GRID2: variants seen among roughly 807,000 people sequenced by gnomAD.
The protein encoded by GRID2 is glutamate receptor ionotropic, delta-2.
Under a neutral mutation model 114.8 loss-of-function variants are expected in GRID2, and 33 were observed. The observed-to-expected ratio is 0.29, with a 90% CI of 0.22 to 0.38. GRID2 has a LOEUF of 0.38. Among genes scored for constraint, GRID2 ranks in the 10% least tolerant of loss-of-function variants. The pLI is 1.00. For synonymous variants in GRID2, 505 were observed against 449.9 expected, an observed-to-expected ratio of 1.12 and a Z score of -1.55; for missense variants, 1,184 against 1,257.7, an observed-to-expected ratio of 0.94 and a Z score of 0.89.
In GRID2 at chr4:92,708,407, G is replaced by A. The variant is rs560183427; in HGVS notation, c.244+118121G>A. Among the ~76,000 whole-genome samples the A allele has an allele frequency of 6.8e-4, 103 of 152,228 alleles. 3 individuals are homozygous for A. Among genetic ancestry groups the A allele is most frequent in the South Asian group, 1.5e-3 (7 of 4,820 alleles). On this transcript the variant is annotated intron_variant, in intron 2 of 15. Transcript: ENST00000282020. ...TTCTGTCGTTATTTCCTGGGGGATG[G>A]TAATACTGTATTTACAGACCAGTAC...
chr4:93,334,815 C>T (rs913723279), intron 8 of GRID2, among the ~76,000 whole-genome samples: 4 of 152,166 alleles, frequency 2.6e-5, no homozygotes, highest in East Asian at 3.9e-4. Context: ...CCTGTAATCC[C>T]GGCTACTCGG....
At chr4:93,141,665 A>G (rs940621629) in intron 4 of GRID2, among the ~76,000 whole-genome samples, 4 of 152,254 alleles carry the variant, frequency 2.6e-5, no homozygotes, top group Non-Finnish European at 1.5e-5. Context: ...ACTAACTTAT[A>G]GTCTGGATCT....
chr4:92,462,529 CTATT>C (rs1426067455), intron 1 of GRID2, among the ~76,000 whole-genome samples: 2 of 151,784 alleles, frequency 1.3e-5, no homozygotes, highest in Non-Finnish European at 2.9e-5. Context: ...ATAAAGGTCA[CTATT>C]TAAAAATATT....
At chr4:93,611,960 G>A (rs1483730445) in intron 13 of GRID2, among the ~76,000 whole-genome samples, 3 of 148,154 alleles carry the variant, frequency 2.0e-5, no homozygotes, top group Non-Finnish European at 3.0e-5. Flanking sequence ...AAGTCTCTTT[G>A]TAGGTCACTC....
chr4:93,780,471 T>A (rs963262426), intron 1 of GRID2, among the ~76,000 whole-genome samples: 2 of 152,208 alleles, frequency 1.3e-5, no homozygotes, highest in Non-Finnish European at 2.9e-5. Context: ...ATTTGGGATT[T>A]TATTCTGCAT....
chr4:93,527,316 C>T (rs563845285), intron 13 of GRID2, among the ~76,000 whole-genome samples: 25 of 152,070 alleles, frequency 1.6e-4, no homozygotes, highest in Admixed American at 9.2e-4. Context: ...ATCAATATGT[C>T]TTGCAAAATC....
intron 3 of GRID2, among the ~76,000 whole-genome samples, chr4:93,102,299 C>T (rs1731779555): frequency 6.6e-6 from 1 of 152,126 alleles, no homozygotes; most frequent in East Asian, 1.9e-4. Context: ...TTTCAGTCTT[C>T]ACTGTAATTT....
At position 93,361,857 on chromosome 4, in the gene GRID2, A is replaced by T. The variant is rs905213926; in HGVS notation, c.1246-33750A>T. 7.9e-5 allele frequency among the ~76,000 whole-genome samples: 12 copies of T among 152,184 alleles called. No homozygotes were observed. The East Asian group carries it at 2.3e-3, about 29-fold the overall frequency. On this transcript the variant is annotated intron_variant, in intron 8 of 15. Transcript: ENST00000282020. ...TAGATTATATTTTATTTTAAGTTCC[A>T]GGAAACGTGCAGGATGTGCAGGTTG...
At chr4:92,976,709 A>G (rs957766750) in intron 2 of GRID2, among the ~76,000 whole-genome samples, 3 of 152,142 alleles carry the variant, frequency 2.0e-5, no homozygotes, top group African/African-American at 7.2e-5. Context: ...TTCTCCCTAT[A>G]TTAGCAGAGA....
intron 2 of GRID2, among the ~76,000 whole-genome samples, chr4:92,992,095 C>T (rs1754940051): frequency 6.6e-6 from 1 of 152,054 alleles, no homozygotes; most frequent in African/African-American, 2.4e-5. Flanking sequence ...AAAGTTGCAT[C>T]AGGTAGAAGA....
intron 4 of GRID2, among the ~76,000 whole-genome samples, chr4:93,152,900 A>G (rs114606904): frequency 0.016 from 2,436 of 152,226 alleles, 67 homozygotes; most frequent in African/African-American, 0.056. Context: ...AAAGAATAAC[A>G]TGCTCAAAAC....
chr4:93,184,547 C>CATATATTT (rs1740216027), intron 4 of GRID2, among the ~76,000 whole-genome samples: 3 of 145,624 alleles, frequency 2.1e-5, no homozygotes, highest in Admixed American at 2.1e-4. Context: ...GGTACTCTTT[C>CATATATTT]ATATATTTCT....
intron 1 of GRID2, among the ~76,000 whole-genome samples, chr4:92,411,453 T>C (rs13109229): frequency 0.28 from 41,638 of 151,174 alleles, 5,945 homozygotes; most frequent in African/African-American, 0.34. Context: ...AAACTAAATA[T>C]GTTACTTTAT....
At chr4:93,542,141 C>G (rs945255979) in intron 13 of GRID2, among the ~76,000 whole-genome samples, 1 of 152,168 alleles carries the variant, frequency 6.6e-6, no homozygotes, top group Non-Finnish European at 1.5e-5. Flanking sequence ...TCTGTTTCCT[C>G]TCACTAGACT....
intron 3 of GRID2, among the ~76,000 whole-genome samples, chr4:93,101,458 C>T (rs1731700466): frequency 6.6e-6 from 1 of 151,972 alleles, no homozygotes; most frequent in Non-Finnish European, 1.5e-5. Context: ...CACCAGTCTG[C>T]TCTCTATCTT....
At chr4:92,484,449 GA>G (rs964546603) in intron 1 of GRID2, among the ~76,000 whole-genome samples, 2 of 152,098 alleles carry the variant, frequency 1.3e-5, no homozygotes, top group African/African-American at 4.8e-5. Context: ...TAGGAATTGT[GA>G]ATATTAATTA....
intron 9 of GRID2, among the ~76,000 whole-genome samples, chr4:93,400,787 C>T (rs969756886): frequency 2.0e-5 from 3 of 152,034 alleles, no homozygotes; most frequent in Non-Finnish European, 4.4e-5. Context: ...CATACATTCA[C>T]TCATGAATTC....
intron 4 of GRID2, among the ~76,000 whole-genome samples, chr4:93,181,795 A>G (rs1739920997): frequency 6.6e-6 from 1 of 152,192 alleles, no homozygotes; most frequent in South Asian, 2.1e-4. Flanking sequence ...TCTGTTTTCT[A>G]CACAGCACAT....
chr4:93,160,716 C>A (rs142113920), intron 4 of GRID2, among the ~76,000 whole-genome samples: 222 of 151,702 alleles, frequency 1.5e-3, no homozygotes, highest in Non-Finnish European at 2.6e-3. Context: ...ATCGTGTAGG[C>A]ATTTCTCTAA....
Sources: gnomAD v4.1 joint callset for allele counts (sites outside exome capture counted in the v4.1 genomes callset) on GRCh38, gnomAD v4.1.1 for gene constraint, MANE v1.5 for transcripts, NCBI Gene and HGNC (gene_info 2026-07-23, HGNC 2026-07-21) for gene names.